Variants in SLC24A3 observed in about 807,000 individuals in gnomAD.
SLC24A3 encodes the protein sodium/potassium/calcium exchanger 3.
In SLC24A3, 28 loss-of-function variants were observed where a neutral mutation model predicts 75.8. The ratio of observed to expected loss-of-function variants is 0.37; its 90% CI spans 0.27 to 0.51. The LOEUF is 0.51. SLC24A3 is among the 20% of genes least tolerant of loss of function. The pLI, the probability that SLC24A3 is intolerant of heterozygous loss-of-function variation, is 0.94. For synonymous variants in SLC24A3, 372 were observed against 334.1 expected (o/e 1.11, Z -1.24); for missense variants, 663 against 847.8 (o/e 0.78, Z 2.71).
chr20:19,257,445 A>T (rs1285062344), intron 1 of SLC24A3, among the ~76,000 whole-genome samples: 1 of 152,298 alleles, frequency 6.6e-6, no homozygotes, highest in East Asian at 1.9e-4. Flanking sequence ...TGGGTTTCTC[A>T]TATCTTTATG....
At chr20:19,613,036 C>T (rs1000448503) in intron 6 of SLC24A3, among the ~76,000 whole-genome samples, 7 of 152,182 alleles carry the variant, frequency 4.6e-5, no homozygotes, top group Non-Finnish European at 7.3e-5. Flanking sequence ...CCCAGACTTC[C>T]AATGTTCTCT....
chr20:19,299,257 G>C (rs943801067), intron 2 of SLC24A3, among the ~76,000 whole-genome samples: 1 of 151,024 alleles, frequency 6.6e-6, no homozygotes, highest in African/African-American at 2.5e-5. Flanking sequence ...CTCAACCTCA[G>C]CCCATTATTT....
intron 2 of SLC24A3, among the ~76,000 whole-genome samples, chr20:19,320,358 G>A (rs1414029635): frequency 6.6e-6 from 1 of 152,144 alleles, no homozygotes; most frequent in Non-Finnish European, 1.5e-5. Flanking sequence ...CCTCATTTAA[G>A]AGATTGATGC....
chr20:19,316,419 A>G (rs1293313607), intron 2 of SLC24A3, among the ~76,000 whole-genome samples: 2 of 152,242 alleles, frequency 1.3e-5, no homozygotes, highest in African/African-American at 2.4e-5. Flanking sequence ...TGTAGGCTGA[A>G]AACCATCAGG....
chr20:19,230,245 G>A (rs1282239320), intron 1 of SLC24A3, among the ~76,000 whole-genome samples: 5 of 152,114 alleles, frequency 3.3e-5, no homozygotes, highest in African/African-American at 1.2e-4. Context: ...GTTACTGTGA[G>A]CATCGCTTAT....
chr20:19,395,140 G>A (rs1193421116), intron 2 of SLC24A3, among the ~76,000 whole-genome samples: 1 of 152,138 alleles, frequency 6.6e-6, no homozygotes, highest in East Asian at 1.9e-4. Flanking sequence ...GGTACAGGCC[G>A]ACTCACAGAA....
chr20:19,548,633 G>A (rs1346549694), intron 3 of SLC24A3, among the ~76,000 whole-genome samples: 2 of 152,144 alleles, frequency 1.3e-5, no homozygotes, highest in African/African-American at 4.8e-5. Context: ...ATCCGTCAAG[G>A]CAAATGCCTC....
intron 10 of SLC24A3, among the ~76,000 whole-genome samples, chr20:19,682,372 T>C: frequency 6.6e-6 from 1 of 152,234 alleles, no homozygotes; most frequent in East Asian, 1.9e-4. Context: ...ATGTCCCAGC[T>C]GGCCTTGAGA....
chr20:19,270,741 C>T (rs1983303099), intron 1 of SLC24A3, among the ~76,000 whole-genome samples: 1 of 150,860 alleles, frequency 6.6e-6, no homozygotes, highest in Non-Finnish European at 1.5e-5. Flanking sequence ...CCATATTGGA[C>T]ATTGTATGTA....
chr20:19,607,087 G>A (rs577753206), intron 6 of SLC24A3, among the ~76,000 whole-genome samples: 82 of 152,146 alleles, frequency 5.4e-4, no homozygotes, highest in Non-Finnish European at 8.1e-4. Context: ...GTTCACAGAC[G>A]TCCTTTGAGA....
At chr20:19,232,063 C>T (rs575222440) in intron 1 of SLC24A3, among the ~76,000 whole-genome samples, 3 of 152,170 alleles carry the variant, frequency 2.0e-5, no homozygotes, top group African/African-American at 7.2e-5. Context: ...GACATTGTAC[C>T]AACTAAATGG....
In SLC24A3 at chr20:19,275,960, C is replaced by T. The variant is rs117111127; in HGVS notation, c.143-4999C>T. Among the ~76,000 whole-genome samples the T allele has an allele frequency of 1.0e-3, 158 of 152,322 alleles. 1 individual carries two copies. The highest frequency in any genetic ancestry group is 1.9e-3 in the Non-Finnish European group (127 of 68,034). On this transcript the variant is annotated intron_variant, in intron 1 of 16. Transcript: ENST00000328041. Reference sequence around the variant, plus strand: ...TAGGCCAACATGCAACTTCCAGGGCCTGGCAGATGAGGAGCCAAGAATGCC... The same window carrying T: ...TAGGCCAACATGCAACTTCCAGGGCTTGGCAGATGAGGAGCCAAGAATGCC...
chr20:19,472,139 G>T (rs916604613), intron 2 of SLC24A3, among the ~76,000 whole-genome samples: 2 of 152,222 alleles, frequency 1.3e-5, no homozygotes, highest in African/African-American at 4.8e-5. Flanking sequence ...TAGGAACTTG[G>T]TGAACGCTGT....
chr20:19,434,749 T>C (rs1305719970), intron 2 of SLC24A3, among the ~76,000 whole-genome samples: 2 of 142,984 alleles, frequency 1.4e-5, no homozygotes, highest in African/African-American at 2.5e-5. Context: ...GATAGGATGC[T>C]TTTTTTTTTT....
chr20:19,453,513 G>A (rs1987528430), intron 2 of SLC24A3, among the ~76,000 whole-genome samples: 1 of 152,220 alleles, frequency 6.6e-6, no homozygotes, highest in Admixed American at 6.5e-5. Context: ...TTGGGAGCCT[G>A]ACCAAGCTCT....
intron 10 of SLC24A3, among the ~76,000 whole-genome samples, chr20:19,683,036 G>GA (rs200166740): frequency 2.0e-5 from 3 of 149,598 alleles, no homozygotes; most frequent in Admixed American, 6.6e-5. Flanking sequence ...TTTGCAGGAA[G>GA]AAAAAAAAAG....
chr20:19,635,936 C>T (rs993078951), intron 6 of SLC24A3, among the ~76,000 whole-genome samples: 5 of 152,022 alleles, frequency 3.3e-5, no homozygotes, highest in East Asian at 1.9e-4. Context: ...GTCAGGAGAT[C>T]GAGACCATCC....
chr20:19,415,049 G>A (rs1231611727), intron 2 of SLC24A3, among the ~76,000 whole-genome samples: 1 of 152,150 alleles, frequency 6.6e-6, no homozygotes, highest in Non-Finnish European at 1.5e-5. Flanking sequence ...TATTTTAAAA[G>A]TAGTTGGCTC....
At chr20:19,642,728 A>G (rs1600317369) in intron 6 of SLC24A3, among the ~76,000 whole-genome samples, 4 of 152,344 alleles carry the variant, frequency 2.6e-5, no homozygotes, top group Admixed American at 1.3e-4. Context: ...ATACTTTGAT[A>G]ACATAACCTC....
Sources: allele counts gnomAD v4.1 joint callset (sites outside exome capture counted in the v4.1 genomes callset), GRCh38; gene constraint gnomAD v4.1.1; transcripts MANE v1.5; gene names NCBI Gene and HGNC (gene_info 2026-07-23, HGNC 2026-07-21).